The following ANTXR1 variants were observed in gnomAD, a reference collection of about 807,000 sequenced individuals.
The protein encoded by ANTXR1 is ANTXR cell adhesion molecule 1, also known as anthrax toxin receptor 1.
Under a neutral mutation model 78.1 loss-of-function variants are expected in ANTXR1, and 19 were observed. The ratio of observed to expected loss-of-function variants is 0.24; its 90% CI spans 0.17 to 0.36. The LOEUF is 0.36. Ranked by LOEUF, ANTXR1 falls within the 10% of genes least tolerant of loss-of-function variation. The pLI is 1.00. For missense variants in ANTXR1, 518 were observed against 718.6 expected (o/e 0.72, Z 3.19); for synonymous variants, 273 against 260.5 (o/e 1.05, Z -0.46).
intron 10 of ANTXR1, among the ~76,000 whole-genome samples, chr2:69,108,677 C>G (rs1573888405): frequency 6.6e-6 from 1 of 152,134 alleles, no homozygotes; most frequent in East Asian, 1.9e-4. Flanking sequence ...TCCATGTGTT[C>G]TCATCATTTA....
At chr2:69,051,690 A>T (rs114313313) in intron 3 of ANTXR1, among the ~76,000 whole-genome samples, 2 of 151,970 alleles carry the variant, frequency 1.3e-5, no homozygotes, top group South Asian at 2.1e-4. Context: ...AATATTTTAT[A>T]TTTTTGTTTA....
intron 16 of ANTXR1, among the ~76,000 whole-genome samples, chr2:69,186,090 T>G (rs555526784): frequency 6.6e-6 from 1 of 152,056 alleles, no homozygotes; most frequent in African/African-American, 2.4e-5. Flanking sequence ...CATCCCTTAT[T>G]AAAGAGCTGA....
At chr2:69,102,046 G>C (rs1383714441) in intron 9 of ANTXR1, among the ~76,000 whole-genome samples, 5 of 152,230 alleles carry the variant, frequency 3.3e-5, no homozygotes, top group Admixed American at 3.3e-4. Flanking sequence ...GGCCAGGCAA[G>C]ATATATGATC....
intron 12 of ANTXR1, among the ~76,000 whole-genome samples, chr2:69,131,639 C>T (rs62134406): frequency 0.14 from 20,953 of 152,102 alleles, 1,549 homozygotes; most frequent in Admixed American, 0.16. Context: ...AATGTCTGCA[C>T]ATACTCATTA....
At chr2:69,056,634 T>C (rs546943440) in intron 3 of ANTXR1, among the ~76,000 whole-genome samples, 3 of 152,314 alleles carry the variant, frequency 2.0e-5, no homozygotes, top group African/African-American at 7.2e-5. Context: ...CATACTTTTA[T>C]ATGTGCATAA....
intron 17 of ANTXR1, among the ~76,000 whole-genome samples, chr2:69,218,431 G>A (rs1295914375): frequency 2.0e-5 from 3 of 152,158 alleles, no homozygotes; most frequent in African/African-American, 7.2e-5. Flanking sequence ...TCATTGTGTT[G>A]TCGGTGTAAA....
chr2:69,013,163 A>C, upstream of ANTXR1: 1 of 147,754 alleles, frequency 6.8e-6, no homozygotes, highest in Non-Finnish European at 1.4e-5. This position sits in a 1 kb window ranked among gnomAD's most constrained non-coding sequence, Gnocchi z 5.0. Flanking sequence ...AAAATCTGGG[A>C]CAAAGAACCG....
chr2:69,194,190 G>GT (rs1454024574), intron 17 of ANTXR1, among the ~76,000 whole-genome samples: 2 of 152,186 alleles, frequency 1.3e-5, no homozygotes, highest in African/African-American at 4.8e-5. Flanking sequence ...AACAACCTCA[G>GT]TTCTGCCGAA....
At chr2:69,060,028 G>A (rs926119858) in intron 3 of ANTXR1, among the ~76,000 whole-genome samples, 8 of 152,182 alleles carry the variant, frequency 5.3e-5, no homozygotes, top group African/African-American at 1.7e-4. Flanking sequence ...CATCCCTCTT[G>A]TCTTTTATGC....
intron 10 of ANTXR1, among the ~76,000 whole-genome samples, chr2:69,111,635 T>G (rs1225478451): frequency 2.0e-5 from 3 of 152,230 alleles, no homozygotes; most frequent in Admixed American, 1.3e-4. Flanking sequence ...TGGTTTACTT[T>G]TGCACACTCT....
chr2:69,164,557 G>A (rs145440144), intron 13 of ANTXR1, among the ~76,000 whole-genome samples: 10 of 152,176 alleles, frequency 6.6e-5, no homozygotes, highest in African/African-American at 2.2e-4. Context: ...AGTCCAGTGC[G>A]GAAGACAGAG....
intron 10 of ANTXR1, among the ~76,000 whole-genome samples, chr2:69,104,143 T>TTTC: frequency 6.6e-6 from 1 of 152,212 alleles, no homozygotes; most frequent in Middle Eastern, 3.4e-3. Context: ...TTCATCATGT[T>TTTC]GGCCAGGCTG....
chr2:69,132,824 A>G (rs1672792745), intron 12 of ANTXR1, among the ~76,000 whole-genome samples: 2 of 152,212 alleles, frequency 1.3e-5, no homozygotes, highest in South Asian at 2.1e-4. Flanking sequence ...TTTTAAATCT[A>G]TACTCTGGGC....
At chr2:69,226,475 A>G (rs185720028) in intron 17 of ANTXR1, among the ~76,000 whole-genome samples, 20 of 152,290 alleles carry the variant, frequency 1.3e-4, no homozygotes, top group Non-Finnish European at 2.1e-4. Context: ...ATCAAGCGGT[A>G]GGAAATGGGA....
At chr2:69,157,687 GTGTC>G (rs1461715484) in intron 13 of ANTXR1, among the ~76,000 whole-genome samples, 2 of 152,298 alleles carry the variant, frequency 1.3e-5, no homozygotes, top group Admixed American at 6.5e-5. Context: ...CACAGTCACA[GTGTC>G]TGTCACTCAG....
At chr2:69,167,363 C>T (rs567874812) in intron 13 of ANTXR1, among the ~76,000 whole-genome samples, 1 of 152,222 alleles carries the variant, frequency 6.6e-6, no homozygotes, top group Non-Finnish European at 1.5e-5. Flanking sequence ...CAGAGCAATG[C>T]AGGCTTTTGC....
intron 13 of ANTXR1, 119 bp downstream of exon 13, chr2:69,152,383 T>C: frequency 1.0e-6 from 1 of 963,568 alleles, no homozygotes; most frequent in South Asian, 1.4e-5. Context: ...TTGCATTTTT[T>C]ATACAATTTA....
rs1398570151 is a variant in ANTXR1 at position 69,248,935 on chromosome 2, G to C, written c.*3450G>C. 1.3e-5 allele frequency: 2 copies of C among 152,124 alleles called. No homozygotes were observed. The highest frequency in any genetic ancestry group is 4.8e-5 in the African/African-American group (2 of 41,424). 9.4% of individuals were successfully genotyped at this position (152,124 alleles called of 1,614,324 possible). On this transcript the variant is annotated 3_prime_UTR_variant, in exon 18 of 18. Coordinates refer to ENST00000303714, the MANE Select transcript of ANTXR1 (RefSeq NM_032208.3). ...GAGCTCTCCTATATTATCATACTCA[G>C]ATAACCAAATTAAAAGAATTAGAAT...
At chr2:69,182,752 A>C (rs967595582) in intron 16 of ANTXR1, 92 bp downstream of exon 16, 1 of 1,535,216 alleles carries the variant, frequency 6.5e-7, no homozygotes, top group Non-Finnish European at 9.0e-7. Context: ...TAAAATCCCA[A>C]CCTAAAACCC....
Sources: gnomAD v4.1 joint callset for allele counts (sites outside exome capture counted in the v4.1 genomes callset) on GRCh38, gnomAD v4.1.1 for gene constraint, Gnocchi (gnomAD v3.1) non-coding constraint, MANE v1.5 for transcripts, NCBI Gene and HGNC (gene_info 2026-07-23, HGNC 2026-07-21) for gene names.